ABCB7: variants seen among roughly 807,000 people sequenced by gnomAD.
ABCB7 encodes the protein iron-sulfur clusters transporter ABCB7, mitochondrial.
A neutral mutation model predicts 54.4 loss-of-function variants in ABCB7; 7 were observed. The observed-to-expected ratio is 0.13, with a 90% CI of 0.07 to 0.24. ABCB7 has a LOEUF of 0.24. Among genes scored for constraint, ABCB7 ranks in the 10% least tolerant of loss-of-function variants. The probability of loss-of-function intolerance (pLI) is 1.00; values close to 1 mark genes in which losing one functional copy is unlikely to be tolerated. For synonymous variants in ABCB7, 218 were observed against 207.1 expected, an observed-to-expected ratio of 1.05 and a Z score of -0.45; for missense variants, 356 against 570.4, an observed-to-expected ratio of 0.62 and a Z score of 3.83.
intron 1 of ABCB7, among the ~76,000 whole-genome samples, chrX:75,133,856 C>A (rs1274495252): frequency 8.9e-6 from 1 of 111,882 alleles, no homozygotes; most frequent in Non-Finnish European, 1.9e-5. Flanking sequence ...AAACAAAAGA[C>A]CATTACCAAA....
chrX:75,105,406 A>T (rs756379849), intron 3 of ABCB7, among the ~76,000 whole-genome samples: 5 of 111,259 alleles, frequency 4.5e-5, no homozygotes, highest in Non-Finnish European at 9.4e-5. Context: ...GCTCAATCTC[A>T]TTTACAATAA....
At chrX:75,095,999 A>T (rs2081587531) in intron 4 of ABCB7, among the ~76,000 whole-genome samples, 1 of 111,999 alleles carries the variant, frequency 8.9e-6, no homozygotes, top group South Asian at 3.7e-4. Context: ...CACTTTGACT[A>T]GCTTAATTAG....
intron 3 of ABCB7, among the ~76,000 whole-genome samples, chrX:75,110,339 C>T (rs2081748150): frequency 8.9e-6 from 1 of 111,898 alleles, no homozygotes; most frequent in Non-Finnish European, 1.9e-5. Flanking sequence ...TGGAATACAG[C>T]CTCACCATGT....
intron 4 of ABCB7, among the ~76,000 whole-genome samples, chrX:75,084,501 T>C (rs2081480606): frequency 9.0e-6 from 1 of 111,493 alleles, no homozygotes; most frequent in Non-Finnish European, 1.9e-5. Context: ...AATCTAAATG[T>C]AAAAGAGAAA....
chrX:75,058,384 C>G (rs1184515856), intron 15 of ABCB7, among the ~76,000 whole-genome samples: 1 of 111,494 alleles, frequency 9.0e-6, no homozygotes, highest in Non-Finnish European at 1.9e-5. Flanking sequence ...TATTTCTTCA[C>G]TTTCATTTTA....
chrX:75,143,533 T>C (rs1322594489), intron 1 of ABCB7, among the ~76,000 whole-genome samples: 1 of 111,649 alleles, frequency 9.0e-6, no homozygotes, highest in Non-Finnish European at 1.9e-5. Flanking sequence ...TTCAGTTATC[T>C]TTTCAGCAGT....
At chrX:75,126,224 G>A (rs1287087422) in intron 1 of ABCB7, among the ~76,000 whole-genome samples, 3 of 111,551 alleles carry the variant, frequency 2.7e-5, no homozygotes, top group African/African-American at 9.8e-5. Flanking sequence ...CATACAAAAA[G>A]GATTGTATCT....
intron 3 of ABCB7, among the ~76,000 whole-genome samples, chrX:75,106,856 G>C (rs966318521): frequency 9.0e-6 from 1 of 110,795 alleles, no homozygotes; most frequent in Admixed American, 9.5e-5. Flanking sequence ...TTCCCTTCAA[G>C]GACACCAATT....
At chrX:75,137,240 A>G (rs2082016731) in intron 1 of ABCB7, among the ~76,000 whole-genome samples, 1 of 112,518 alleles carries the variant, frequency 8.9e-6, no homozygotes, top group African/African-American at 3.2e-5. Flanking sequence ...ACACTTCTCA[A>G]ATGAAAACAA....
rs1347239816 is a variant in ABCB7 at position 75,053,334 on chromosome X, T to C, written c.*36A>G. 1 of 1,208,236 alleles carries C rather than the reference T, an allele frequency of 8.3e-7. No homozygotes were observed. The highest frequency in any genetic ancestry group is 2.2e-5 in the Admixed American group (1 of 46,038). ...ATTCTGCTTCAGTGCAAATATGTAG[T>C]CCAAAACAACAAAAAAAGAAAATGT... On this transcript the variant is annotated 3_prime_UTR_variant, in exon 16 of 16. Transcript: ENST00000373394.
rs766498239 is a variant in ABCB7, at chrX:75,097,049, T to A, written c.453+1893A>T. 9.8e-5 allele frequency among the ~76,000 whole-genome samples: 11 copies of A among 111,810 alleles called. No homozygotes were observed. In the East Asian group the frequency reaches 2.2e-3, roughly 23 times the overall value. On this transcript the variant is annotated intron_variant, in intron 4 of 15. Coordinates refer to ENST00000373394, the MANE Select transcript of ABCB7 (RefSeq NM_001271696.3). ...AATTCATCTTTTACACATGGCCAGA[T>A]TAATTTCCTAAAACACAGTTCTAAC...
In ABCB7 at chrX:75,055,979, G is replaced by A. The variant is rs6647616; in HGVS notation, c.2044-2394C>T. 1.5e-3 allele frequency among the ~76,000 whole-genome samples: 166 copies of A among 110,549 alleles called. No homozygotes were observed. In the East Asian group the frequency reaches 0.036, roughly 24 times the overall value. The stretch of plus-strand genomic sequence containing the variant: ...TGTTATTACCAGCATGAGCCACCAT[G>A]CCCAGCCCAAGTTAAACATTTTGGG... On this transcript the variant is annotated intron_variant, in intron 15 of 15. Coordinates refer to ENST00000373394, the MANE Select transcript of ABCB7 (RefSeq NM_001271696.3).
intron 3 of ABCB7, among the ~76,000 whole-genome samples, chrX:75,108,695 A>C (rs955923681): frequency 9.0e-6 from 1 of 110,837 alleles, no homozygotes; most frequent in Admixed American, 9.6e-5. Context: ...ACTTTAGAAG[A>C]AAAAGTTCGG....
rs1300137073 is a variant in ABCB7 at position 75,094,032 on chromosome X, ATATATATATATATATATATATC to A, written c.453+4888_453+4909del. Among the ~76,000 whole-genome samples the A allele has an allele frequency of 4.3e-4, 14 of 32,287 alleles. No individual in the cohort carries two copies. In the East Asian group the frequency reaches 4.5e-3, roughly 10 times the overall value. 28.0% of individuals were successfully genotyped at this position (32,287 alleles called of 115,157 possible). On this transcript the variant is annotated intron_variant, in intron 4 of 15. Transcript: ENST00000373394. ...TTCTGTTATATACATATATATATAT[ATATATATATATATATATATATC>A]TATCTTATTATTTGTTAGTCACTCA...
chrX:75,138,994 G>A (rs1400144011), intron 1 of ABCB7, among the ~76,000 whole-genome samples: 1 of 77,406 alleles, frequency 1.3e-5, no homozygotes, highest in African/African-American at 4.6e-5. Flanking sequence ...GCGACAGAAC[G>A]AGACTCTGCC....
At chrX:75,143,711 C>A (rs1365004797) in intron 1 of ABCB7, among the ~76,000 whole-genome samples, 1 of 111,149 alleles carries the variant, frequency 9.0e-6, no homozygotes, top group East Asian at 2.8e-4. Flanking sequence ...ACACGTCTCA[C>A]ATTGATGATG....
intron 1 of ABCB7, among the ~76,000 whole-genome samples, chrX:75,143,946 C>A (rs2082072865): frequency 1.8e-5 from 2 of 110,956 alleles, no homozygotes; most frequent in African/African-American, 6.6e-5. Context: ...TTCAAATACC[C>A]ATTTATAGTC....
intron 4 of ABCB7, among the ~76,000 whole-genome samples, chrX:75,097,873 A>G (rs779916787): frequency 1.3e-3 from 150 of 112,055 alleles, no homozygotes; most frequent in Non-Finnish European, 2.2e-3. Flanking sequence ...ACCCTATTTT[A>G]CAAATGGACA....
intron 1 of ABCB7, among the ~76,000 whole-genome samples, chrX:75,132,141 T>C (rs2081979209): frequency 9.0e-6 from 1 of 111,712 alleles, no homozygotes; most frequent in Admixed American, 9.4e-5. Context: ...AGTTTATCAG[T>C]GGCCACTGAC....
Sources: allele counts gnomAD v4.1 joint callset (sites outside exome capture counted in the v4.1 genomes callset), GRCh38; gene constraint gnomAD v4.1.1; transcripts MANE v1.5; gene names NCBI Gene and HGNC (gene_info 2026-07-23, HGNC 2026-07-21).